PTPRD: variants seen among roughly 807,000 people sequenced by gnomAD.
The protein encoded by PTPRD is protein tyrosine phosphatase receptor type D.
PTPRD carries 34 observed loss-of-function variants against 214.5 expected under a neutral mutation model. That is an observed-to-expected ratio of 0.16 (90% CI 0.12 to 0.21). The LOEUF (loss-of-function observed/expected upper bound fraction) is 0.21. PTPRD is among the 10% of genes least tolerant of loss of function. The pLI, the probability that PTPRD is intolerant of heterozygous loss-of-function variation, is 1.00. For synonymous variants in PTPRD, 1,128 were observed against 845.7 expected (o/e 1.33, Z -5.79); for missense variants, 2,545 against 2,398.7 (o/e 1.06, Z -1.27).
In PTPRD at chr9:8,817,816, T is replaced by C. The variant is rs191827556; in HGVS notation, c.-103-83870A>G. Among the ~76,000 whole-genome samples, 102 of 152,338 alleles carry C rather than the reference T, an allele frequency of 6.7e-4. 2 individuals are homozygous for C. The East Asian group carries it at 0.01, about 15-fold the overall frequency. On this transcript the variant is annotated intron_variant, in intron 11 of 45. Coordinates refer to ENST00000381196, the MANE Select transcript of PTPRD (RefSeq NM_002839.4). ...GGTTTCTTCTTCTTGGACTTCTTGGTAGAATTTCAAGATTCCTGATGACCA... is the reference window on the plus strand; with the variant it reads ...GGTTTCTTCTTCTTGGACTTCTTGGCAGAATTTCAAGATTCCTGATGACCA...
At chr9:10,141,828 A>C (rs917811845) in intron 3 of PTPRD, among the ~76,000 whole-genome samples, 3 of 152,178 alleles carry the variant, frequency 2.0e-5, no homozygotes, top group Non-Finnish European at 2.9e-5. Flanking sequence ...AGCTGGAGGC[A>C]TCACACTACC....
chr9:10,179,971 A>C (rs1178664517), intron 3 of PTPRD, among the ~76,000 whole-genome samples: 1 of 152,098 alleles, frequency 6.6e-6, no homozygotes, highest in Non-Finnish European at 1.5e-5. Flanking sequence ...ATATGTCATA[A>C]ATAAAAAGTT....
chr9:10,600,237 C>T (rs2077620267), intron 2 of PTPRD, among the ~76,000 whole-genome samples: 2 of 151,310 alleles, frequency 1.3e-5, no homozygotes, highest in South Asian at 4.2e-4. Context: ...TCCATAGAAA[C>T]TTGGTCATAT....
At chr9:9,777,215 A>T (rs2098805246) in intron 5 of PTPRD, among the ~76,000 whole-genome samples, 1 of 152,120 alleles carries the variant, frequency 6.6e-6, no homozygotes, top group African/African-American at 2.4e-5. Flanking sequence ...CATTTTTAAA[A>T]ACATTCTAAG....
At chr9:9,507,303 A>G (rs1290494433) in intron 8 of PTPRD, among the ~76,000 whole-genome samples, 1 of 151,374 alleles carries the variant, frequency 6.6e-6, no homozygotes, top group African/African-American at 2.4e-5. Context: ...CTGGGATTAA[A>G]TTTGTTATAT....
intron 35 of PTPRD, among the ~76,000 whole-genome samples, chr9:8,431,931 G>C (rs1310436496): frequency 6.6e-6 from 1 of 152,234 alleles, no homozygotes; most frequent in African/African-American, 2.4e-5. Flanking sequence ...ACCTCTGGTA[G>C]AATTTGGCTG....
intron 11 of PTPRD, among the ~76,000 whole-genome samples, chr9:8,966,345 A>C (rs532208108): frequency 6.6e-6 from 1 of 152,136 alleles, no homozygotes; most frequent in African/African-American, 2.4e-5. Context: ...CCTGACTTCA[A>C]ACTATACTAT....
intron 6 of PTPRD, among the ~76,000 whole-genome samples, chr9:9,744,647 A>G (rs1339773994): frequency 1.3e-5 from 2 of 152,076 alleles, no homozygotes; most frequent in Non-Finnish European, 2.9e-5. Flanking sequence ...TGTGAAATAT[A>G]CATATACATA....
chr9:10,588,468 T>C (rs2074527003), intron 2 of PTPRD, among the ~76,000 whole-genome samples: 3 of 105,470 alleles, frequency 2.8e-5, no homozygotes, highest in Admixed American at 9.8e-5. Flanking sequence ...ACAATGATAG[T>C]TATACAAACA....
rs192650183 is a variant in PTPRD, at chr9:9,938,514, C to T, written c.-375G>A. 2.0e-5 allele frequency: 3 copies of T among 152,198 alleles called. No individual in the cohort carries two copies. The highest frequency in any genetic ancestry group is 3.9e-4 in the East Asian group (2 of 5,166). 9.4% of individuals were successfully genotyped at this position (152,198 alleles called of 1,614,324 possible). A position where few individuals can be genotyped will look rare whatever the true frequency, so the allele number is the denominator to read the frequency against. On this transcript the variant is annotated 5_prime_UTR_variant, in exon 5 of 46. Coordinates refer to ENST00000381196, the MANE Select transcript of PTPRD (RefSeq NM_002839.4). ...CAGTCATACTGAACTCACCTGGAGCCGAAGCCCATCGCTTCCCTCGGTGCC... is the reference window on the plus strand; with the variant it reads ...CAGTCATACTGAACTCACCTGGAGCTGAAGCCCATCGCTTCCCTCGGTGCC...
At chr9:9,992,581 A>T (rs1320929063) in intron 4 of PTPRD, among the ~76,000 whole-genome samples, 1 of 152,240 alleles carries the variant, frequency 6.6e-6, no homozygotes, top group Non-Finnish European at 1.5e-5. Flanking sequence ...CTGGGTTAAG[A>T]AAATGTGGCA....
intron 7 of PTPRD, among the ~76,000 whole-genome samples, chr9:9,582,490 G>C (rs2091049181): frequency 6.6e-6 from 1 of 151,940 alleles, no homozygotes; most frequent in African/African-American, 2.4e-5. Context: ...TCTCAGACTT[G>C]GATGAATTAT....
chr9:8,680,664 G>A (rs934567796), intron 12 of PTPRD, among the ~76,000 whole-genome samples: 1 of 151,938 alleles, frequency 6.6e-6, no homozygotes, highest in Non-Finnish European at 1.5e-5. Context: ...GCAAAATACA[G>A]ATACTATATA....
intron 10 of PTPRD, among the ~76,000 whole-genome samples, chr9:9,083,366 C>G (rs1217166426): frequency 1.3e-5 from 2 of 152,122 alleles, no homozygotes; most frequent in Non-Finnish European, 2.9e-5. Flanking sequence ...AAAACTGAAA[C>G]TGGACCTCTT....
chr9:10,313,838 A>T lies in PTPRD; in HGVS notation c.-545+27125T>A, dbSNP rs529826240. Among the ~76,000 whole-genome samples the T allele has an allele frequency of 3.3e-5, 5 of 151,992 alleles. No individual in the cohort carries two copies. In the South Asian group the frequency reaches 1.0e-3, roughly 31 times the overall value. On this transcript the variant is annotated intron_variant, in intron 3 of 45. Transcript: ENST00000381196. The stretch of plus-strand genomic sequence containing the variant: ...TACCTTTCCCTTACTATGCAGAGAG[A>T]GATGTATAAATGATGCATGGGCCAT...
At chr9:9,372,697 C>T (rs1416239860) in intron 9 of PTPRD, among the ~76,000 whole-genome samples, 2 of 152,154 alleles carry the variant, frequency 1.3e-5, no homozygotes, top group African/African-American at 4.8e-5. Context: ...GATGCAGTTT[C>T]TTCCTAGCCT....
At chr9:9,941,386 G>A (rs1466527953) in intron 4 of PTPRD, among the ~76,000 whole-genome samples, 1 of 152,182 alleles carries the variant, frequency 6.6e-6, no homozygotes, top group African/African-American at 2.4e-5. Context: ...GCAGTGGCAT[G>A]ATCTCAGCTC....
chr9:9,707,761 G>C (rs1246024733), intron 7 of PTPRD, among the ~76,000 whole-genome samples: 5 of 151,958 alleles, frequency 3.3e-5, no homozygotes, highest in African/African-American at 9.7e-5. Context: ...TTTGATGATA[G>C]AGTTAGCAGT....
intron 36 of PTPRD, among the ~76,000 whole-genome samples, chr9:8,398,469 A>T (rs2091717584): frequency 6.6e-6 from 1 of 152,148 alleles, no homozygotes; most frequent in South Asian, 2.1e-4. Flanking sequence ...TATGTTTTGG[A>T]ACTTTAAATA....
Sources: allele counts gnomAD v4.1 joint callset (sites outside exome capture counted in the v4.1 genomes callset), GRCh38; gene constraint gnomAD v4.1.1; transcripts MANE v1.5; gene names NCBI Gene and HGNC (gene_info 2026-07-23, HGNC 2026-07-21).